GRIK4: variants seen among roughly 807,000 people sequenced by gnomAD.
GRIK4 encodes glutamate receptor ionotropic, kainate 4.
In GRIK4, 40 loss-of-function variants were observed where a neutral mutation model predicts 104.9. The observed-to-expected ratio is 0.38, with a 90% CI of 0.30 to 0.50. The LOEUF is 0.50. Ranked by LOEUF, GRIK4 falls within the 20% of genes least tolerant of loss-of-function variation. The probability of loss-of-function intolerance (pLI) is 0.93; values close to 1 mark genes in which losing one functional copy is unlikely to be tolerated. For synonymous variants in GRIK4, 485 were observed against 524.9 expected (o/e 0.92, Z 1.04); for missense variants, 1,047 against 1,308.1 (o/e 0.80, Z 3.08).
At chr11:120,863,176 G>A (rs373562271) in intron 9 of GRIK4, among the ~76,000 whole-genome samples, 74 of 152,304 alleles carry the variant, frequency 4.9e-4, no homozygotes, top group African/African-American at 1.8e-3. Flanking sequence ...TGATACATGC[G>A]TAATGACATT....
chr11:120,601,119 C>T (rs1363313409), intron 1 of GRIK4, among the ~76,000 whole-genome samples: 3 of 148,598 alleles, frequency 2.0e-5, no homozygotes, highest in Non-Finnish European at 4.5e-5. Flanking sequence ...AGAACTTGGT[C>T]CAGGGGCTGG....
intron 3 of GRIK4, among the ~76,000 whole-genome samples, chr11:120,680,413 G>A (rs1016440220): frequency 1.2e-4 from 18 of 152,160 alleles, no homozygotes; most frequent in African/African-American, 4.3e-4. Context: ...TCTGAGAGTG[G>A]ATCTTGCCCT....
intron 8 of GRIK4, among the ~76,000 whole-genome samples, chr11:120,856,420 C>G (rs933178740): frequency 6.6e-6 from 1 of 152,276 alleles, no homozygotes; most frequent in Non-Finnish European, 1.5e-5. Context: ...AGATCAGAGG[C>G]ACGATCTCCA....
At chr11:120,550,156 G>C (rs1034409892) in intron 1 of GRIK4, among the ~76,000 whole-genome samples, 1 of 152,018 alleles carries the variant, frequency 6.6e-6, no homozygotes, top group Admixed American at 6.6e-5. Flanking sequence ...GCGTCACAGG[G>C]GGAAGAAGGG....
chr11:120,749,167 C>T (rs992890759), intron 3 of GRIK4, among the ~76,000 whole-genome samples: 2 of 151,838 alleles, frequency 1.3e-5, no homozygotes, highest in African/African-American at 4.8e-5. Flanking sequence ...TTTTTTGCCC[C>T]AGGGGAGTTC....
intron 18 of GRIK4, among the ~76,000 whole-genome samples, chr11:120,965,188 A>G (rs1213160808): frequency 6.6e-6 from 1 of 152,226 alleles, no homozygotes; most frequent in African/African-American, 2.4e-5. Context: ...AAGATGGAAA[A>G]TTAATCAGGT....
chr11:120,865,618 A>G (rs1954387151), intron 9 of GRIK4, among the ~76,000 whole-genome samples: 1 of 152,240 alleles, frequency 6.6e-6, no homozygotes, highest in African/African-American at 2.4e-5. Flanking sequence ...AGGCTCCCAG[A>G]AAGGCACACT....
At chr11:120,534,143 A>G (rs1732397617) in intron 1 of GRIK4, among the ~76,000 whole-genome samples, 1 of 151,794 alleles carries the variant, frequency 6.6e-6, no homozygotes, top group African/African-American at 2.4e-5. Flanking sequence ...GTAGAATCGC[A>G]GGACACCTAG....
At chr11:120,934,435 G>T (rs1413209726) in intron 13 of GRIK4, among the ~76,000 whole-genome samples, 1 of 152,104 alleles carries the variant, frequency 6.6e-6, no homozygotes, top group African/African-American at 2.4e-5. Flanking sequence ...CCAGGCAGAC[G>T]CAGACCACAG....
intron 3 of GRIK4, among the ~76,000 whole-genome samples, chr11:120,753,315 G>GTGTA (rs772577187): frequency 0.01 from 868 of 84,122 alleles, 5 homozygotes; most frequent in African/African-American, 0.038. Flanking sequence ...GTGTGTGTGT[G>GTGTA]TGTGTGTGTG....
At chr11:120,628,936 G>A (rs1467922481) in intron 1 of GRIK4, among the ~76,000 whole-genome samples, 1 of 152,170 alleles carries the variant, frequency 6.6e-6, no homozygotes, top group African/African-American at 2.4e-5. Context: ...GCTGTGCTAG[G>A]ACACTCAGAG....
At position 120,675,547 on chromosome 11, in the gene GRIK4, A is replaced by G. The variant is rs56052628; in HGVS notation, c.82+15147A>G. On this transcript the variant is annotated intron_variant, in intron 3 of 20. Transcript: ENST00000527524. Reference sequence around the variant, plus strand: ...AAGTAGCATGCACAGTGTGTGGCATATAAGAAATATTAGTTTCTATTTTTT... The same window carrying G: ...AAGTAGCATGCACAGTGTGTGGCATGTAAGAAATATTAGTTTCTATTTTTT... Among the ~76,000 whole-genome samples the G allele has an allele frequency of 7.6e-3, 1,154 of 152,348 alleles. 9 individuals are homozygous for G. The highest frequency in any genetic ancestry group is 0.013 in the South Asian group (61 of 4,828).
chr11:120,632,434 C>T (rs1358257745), intron 1 of GRIK4, among the ~76,000 whole-genome samples: 6 of 152,076 alleles, frequency 3.9e-5, no homozygotes, highest in African/African-American at 1.4e-4. Context: ...TTCCATGCTC[C>T]GTGTCCCCTT....
intron 3 of GRIK4, among the ~76,000 whole-genome samples, chr11:120,785,614 G>A (rs1952251673): frequency 1.3e-5 from 2 of 152,216 alleles, no homozygotes; most frequent in Non-Finnish European, 2.9e-5. Context: ...CCGAGAGTTA[G>A]CTCATATCAG....
intron 1 of GRIK4, among the ~76,000 whole-genome samples, chr11:120,630,623 A>G (rs1027454220): frequency 1.3e-5 from 2 of 152,286 alleles, no homozygotes; most frequent in Middle Eastern, 3.4e-3. Flanking sequence ...GTAAGGGGGA[A>G]CTCTCTTGGG....
intron 1 of GRIK4, among the ~76,000 whole-genome samples, chr11:120,539,123 ACT>A (rs1948006964): frequency 2.0e-5 from 3 of 151,996 alleles, no homozygotes; most frequent in African/African-American, 4.8e-5. Context: ...CACAGGGAAC[ACT>A]CTATTAGGGG....
chr11:120,982,788 C>A (rs1209914759), intron 20 of GRIK4, among the ~76,000 whole-genome samples: 1 of 152,168 alleles, frequency 6.6e-6, no homozygotes, highest in African/African-American at 2.4e-5. Flanking sequence ...AGTCTCCCAA[C>A]TCTGAATCTT....
intron 1 of GRIK4, among the ~76,000 whole-genome samples, chr11:120,535,909 C>T (rs1053560102): frequency 6.6e-6 from 1 of 152,194 alleles, no homozygotes; most frequent in Admixed American, 6.5e-5. Context: ...GGTAGGTATA[C>T]ACGTGCATGA....
chr11:120,692,394 T>C (rs536557369), intron 3 of GRIK4, among the ~76,000 whole-genome samples: 1 of 152,292 alleles, frequency 6.6e-6, no homozygotes, highest in South Asian at 2.1e-4. Flanking sequence ...GGGTGAGACA[T>C]GGAGCTTGTG....
Sources: allele counts gnomAD v4.1 joint callset (sites outside exome capture counted in the v4.1 genomes callset), GRCh38; gene constraint gnomAD v4.1.1; transcripts MANE v1.5; gene names NCBI Gene and HGNC (gene_info 2026-07-23, HGNC 2026-07-21).